PTPRG: variants seen among roughly 807,000 people sequenced by gnomAD.
The protein encoded by PTPRG is protein tyrosine phosphatase receptor type G, also known as receptor-type tyrosine-protein phosphatase gamma.
A neutral mutation model predicts 165.3 loss-of-function variants in PTPRG; 102 were observed. The ratio of observed to expected loss-of-function variants is 0.62; its 90% CI spans 0.53 to 0.73. The LOEUF (loss-of-function observed/expected upper bound fraction) is 0.73, where lower values mean the gene tolerates loss of function less well. PTPRG is among the 30% of genes least tolerant of loss of function. The probability of loss-of-function intolerance (pLI) is 0.00; values close to 1 mark genes in which losing one functional copy is unlikely to be tolerated. For synonymous variants in PTPRG, 675 were observed against 669.5 expected (o/e 1.01, Z -0.13); for missense variants, 1,866 against 1,861.4 (o/e 1.00, Z -0.05).
intron 1 of PTPRG, among the ~76,000 whole-genome samples, chr3:61,607,866 C>T (rs944727392): frequency 2.0e-5 from 3 of 152,164 alleles, no homozygotes; most frequent in Non-Finnish European, 4.4e-5. Context: ...GAACTGGACG[C>T]GACTTGCCTC....
In PTPRG at chr3:62,203,082, C is replaced by G; in HGVS notation, c.1378-91C>G. ...GAGTAAAATCCTCAGAGGGTGACAACCAGGGCCTCATTCCCAATCTCAATT... is the reference window on the plus strand; with the variant it reads ...GAGTAAAATCCTCAGAGGGTGACAAGCAGGGCCTCATTCCCAATCTCAATT... On this transcript the variant is annotated intron_variant, in intron 11 of 29. Transcript: ENST00000474889. The surrounding 1 kb of genome is among the most constrained non-coding windows in gnomAD (Gnocchi z 6.4). The G allele has an allele frequency of 1.3e-6, 2 of 1,510,318 alleles. No individual in the cohort carries two copies. Among genetic ancestry groups the G allele is most frequent in the South Asian group, 2.7e-5 (2 of 73,842 alleles). The allele number at this position is 1,510,318 out of a possible 1,614,324, so 93.6% of individuals were successfully genotyped here.
intron 2 of PTPRG, among the ~76,000 whole-genome samples, chr3:61,953,651 T>A (rs995847063): frequency 6.6e-6 from 1 of 152,174 alleles, no homozygotes; most frequent in Non-Finnish European, 1.5e-5. Context: ...CTAATTAACA[T>A]AATTTCTAGC....
rs191095433 is a variant in PTPRG at position 62,128,851 on chromosome 3, G to A, written c.616-3751G>A. 4.6e-3 allele frequency among the ~76,000 whole-genome samples: 696 copies of A among 151,592 alleles called. 1 individual carries two copies. Among genetic ancestry groups the A allele is most frequent in the Non-Finnish European group, 7.0e-3 (473 of 67,920 alleles). Reference sequence around the variant, plus strand: ...TGAATTTTTTTTTAAGTGGCAAATTGATTGAAACAGTGAGTGAAAGGGATT... The same window carrying A: ...TGAATTTTTTTTTAAGTGGCAAATTAATTGAAACAGTGAGTGAAAGGGATT... On this transcript the variant is annotated intron_variant, in intron 5 of 29. Transcript: ENST00000474889.
At chr3:61,642,300 A>G (rs1559536642) in intron 1 of PTPRG, among the ~76,000 whole-genome samples, 5 of 151,844 alleles carry the variant, frequency 3.3e-5, no homozygotes, top group Admixed American at 1.3e-4. Flanking sequence ...TGTTGGTTCT[A>G]TTTTTCTCAA....
chr3:61,721,822 C>T (rs986268465), intron 1 of PTPRG, among the ~76,000 whole-genome samples: 1 of 152,164 alleles, frequency 6.6e-6, no homozygotes, highest in Non-Finnish European at 1.5e-5. Flanking sequence ...AGTATAAATA[C>T]TGGAGATCCA....
chr3:61,679,691 G>T (rs1441987714), intron 1 of PTPRG, among the ~76,000 whole-genome samples: 1 of 152,126 alleles, frequency 6.6e-6, no homozygotes, highest in East Asian at 1.9e-4. Flanking sequence ...TGAGGCACGA[G>T]AATTACTTGA....
Position 61,792,608 on chromosome 3 carries a change from T to C in PTPRG, c.190+43626T>C, listed in dbSNP as rs186200975. Among the ~76,000 whole-genome samples, 314 of 152,322 alleles carry C rather than the reference T, an allele frequency of 2.1e-3. 1 individual carries two copies. The highest frequency in any genetic ancestry group is 7.1e-3 in the African/African-American group (295 of 41,564). ...CAGGAATTTGGGTTCATATCTCAGGTGTGCTATGTCACATTTTTCTTAGTT... is the reference window on the plus strand; with the variant it reads ...CAGGAATTTGGGTTCATATCTCAGGCGTGCTATGTCACATTTTTCTTAGTT... On this transcript the variant is annotated intron_variant, in intron 2 of 29. Coordinates refer to ENST00000474889, the MANE Select transcript of PTPRG (RefSeq NM_002841.4).
At chr3:61,943,148 AC>A (rs1219243550) in intron 2 of PTPRG, among the ~76,000 whole-genome samples, 1 of 152,180 alleles carries the variant, frequency 6.6e-6, no homozygotes, top group Non-Finnish European at 1.5e-5. Flanking sequence ...AAAAATCCTT[AC>A]GTGAAAAACA....
chr3:61,737,633 A>T (rs920254398), intron 1 of PTPRG, among the ~76,000 whole-genome samples: 1 of 151,986 alleles, frequency 6.6e-6, no homozygotes, highest in African/African-American at 2.4e-5. Context: ...CTTTGGTTTT[A>T]CTCGGGGGAG....
intron 2 of PTPRG, among the ~76,000 whole-genome samples, chr3:61,806,481 A>G (rs1437808632): frequency 3.3e-5 from 5 of 152,216 alleles, no homozygotes; most frequent in Non-Finnish European, 5.9e-5. Flanking sequence ...CATTTTAGAT[A>G]CAGTGAGTGG....
intron 4 of PTPRG, among the ~76,000 whole-genome samples, chr3:62,071,694 G>A (rs970673374): frequency 4.6e-5 from 7 of 152,218 alleles, no homozygotes; most frequent in Non-Finnish European, 7.4e-5. Context: ...AGGAAGCACA[G>A]TGATTAAGAT....
intron 4 of PTPRG, among the ~76,000 whole-genome samples, chr3:62,030,220 G>A (rs923978487): frequency 6.1e-5 from 9 of 147,256 alleles, no homozygotes; most frequent in Non-Finnish European, 1.3e-4. Flanking sequence ...TTTAACTTAA[G>A]TCAGTTCCTG....
intron 1 of PTPRG, among the ~76,000 whole-genome samples, chr3:61,608,550 A>G (rs1237000802): frequency 6.6e-6 from 1 of 152,134 alleles, no homozygotes; most frequent in Non-Finnish European, 1.5e-5. Flanking sequence ...TGCCAGCCTG[A>G]GGGTACAAGG....
intron 2 of PTPRG, among the ~76,000 whole-genome samples, chr3:61,878,341 T>G (rs150989792): frequency 6.6e-6 from 1 of 152,298 alleles, no homozygotes; most frequent in East Asian, 1.9e-4. Context: ...AATTCTTCTA[T>G]CTCTTCTTTT....
chr3:61,598,569 G>C (rs1457882781), intron 1 of PTPRG, among the ~76,000 whole-genome samples: 1 of 152,196 alleles, frequency 6.6e-6, no homozygotes, highest in Non-Finnish European at 1.5e-5. Flanking sequence ...TAGAGTCGGG[G>C]ACCAGTGCCC....
At chr3:62,132,721 C>G in intron 6 of PTPRG, 53 bp downstream of exon 6, 2 of 1,455,614 alleles carry the variant, frequency 1.4e-6, no homozygotes, top group Non-Finnish European at 1.9e-6. Flanking sequence ...GCTCAGATCT[C>G]TACCTAAAAG....
chr3:61,628,737 G>A (rs1701684877), intron 1 of PTPRG, among the ~76,000 whole-genome samples: 1 of 152,156 alleles, frequency 6.6e-6, no homozygotes, highest in Non-Finnish European at 1.5e-5. Context: ...GGTAAGGTAG[G>A]GGGAGGTGAA....
At chr3:61,870,522 ATT>A (rs71100985) in intron 2 of PTPRG, among the ~76,000 whole-genome samples, 7,561 of 38,078 alleles carry the variant, frequency 0.2, 490 homozygotes, top group African/African-American at 0.23. Flanking sequence ...GTAGAGATGG[ATT>A]TTTTTTTTTT....
At chr3:62,180,991 T>C (rs774207867) in intron 8 of PTPRG, among the ~76,000 whole-genome samples, 11 of 152,178 alleles carry the variant, frequency 7.2e-5, no homozygotes, top group Non-Finnish European at 1.5e-4. Context: ...GTTTTCAAAT[T>C]TGCTTTCTTC....
Sources: gnomAD v4.1 joint callset for allele counts (sites outside exome capture counted in the v4.1 genomes callset) on GRCh38, gnomAD v4.1.1 for gene constraint, Gnocchi (gnomAD v3.1) non-coding constraint, MANE v1.5 for transcripts, NCBI Gene and HGNC (gene_info 2026-07-23, HGNC 2026-07-21) for gene names.